Variants in KHDRBS2 observed in about 807,000 individuals in gnomAD.
KHDRBS2 encodes KH domain-containing, RNA-binding, signal transduction-associated protein 2.
A neutral mutation model predicts 44.3 loss-of-function variants in KHDRBS2; 26 were observed. The ratio of observed to expected loss-of-function variants is 0.59; its 90% CI spans 0.43 to 0.81. KHDRBS2 has a LOEUF of 0.81. KHDRBS2 is among the 40% of genes least tolerant of loss of function. The pLI, the probability that KHDRBS2 is intolerant of heterozygous loss-of-function variation, is 0.00. For synonymous variants in KHDRBS2, 194 were observed against 151.1 expected (o/e 1.28, Z -2.08); for missense variants, 476 against 433.1 (o/e 1.10, Z -0.88).
intron 4 of KHDRBS2, among the ~76,000 whole-genome samples, chr6:61,917,125 G>A (rs192270306): frequency 7.7e-4 from 117 of 151,560 alleles, no homozygotes; most frequent in African/African-American, 2.5e-3. Flanking sequence ...ACTTACATGC[G>A]CACAGTAACC....
chr6:61,806,160 T>C (rs1241579818), intron 6 of KHDRBS2, among the ~76,000 whole-genome samples: 1 of 152,194 alleles, frequency 6.6e-6, no homozygotes, highest in African/African-American at 2.4e-5. Context: ...TTCTCCTTTT[T>C]CTTAAATATG....
intron 3 of KHDRBS2, among the ~76,000 whole-genome samples, chr6:61,997,130 T>G (rs572931457): frequency 3.9e-5 from 6 of 152,310 alleles, no homozygotes; most frequent in African/African-American, 1.4e-4. Flanking sequence ...TTGTTTTCTG[T>G]GTTAAAGCAT....
At chr6:62,135,073 G>A (rs1811210371) in intron 2 of KHDRBS2, among the ~76,000 whole-genome samples, 1 of 152,130 alleles carries the variant, frequency 6.6e-6, no homozygotes, top group South Asian at 2.1e-4. Flanking sequence ...GGAGGGACCA[G>A]GTGCAGAATG....
At chr6:61,921,114 T>C (rs1807989091) in intron 4 of KHDRBS2, among the ~76,000 whole-genome samples, 1 of 152,022 alleles carries the variant, frequency 6.6e-6, no homozygotes, top group Non-Finnish European at 1.5e-5. Context: ...TAAACAAAGA[T>C]AATGTAAATT....
intron 2 of KHDRBS2, among the ~76,000 whole-genome samples, chr6:62,124,074 G>A (rs1808368191): frequency 6.6e-6 from 1 of 152,082 alleles, no homozygotes; most frequent in Non-Finnish European, 1.5e-5. Flanking sequence ...TAAATTTGAT[G>A]GACCCTTTTC....
chr6:62,079,803 T>A (rs1797052338), intron 2 of KHDRBS2, among the ~76,000 whole-genome samples: 1 of 152,022 alleles, frequency 6.6e-6, no homozygotes, highest in South Asian at 2.1e-4. Flanking sequence ...CATAATTAAA[T>A]CCAAGTCTCA....
intron 4 of KHDRBS2, among the ~76,000 whole-genome samples, chr6:61,960,129 C>T (rs1055986161): frequency 6.6e-6 from 1 of 152,022 alleles, no homozygotes; most frequent in African/African-American, 2.4e-5. Context: ...GTGATGATCC[C>T]CAGGGCTCAG....
chr6:62,212,908 C>A (rs1305712293), intron 1 of KHDRBS2, among the ~76,000 whole-genome samples: 1 of 151,968 alleles, frequency 6.6e-6, no homozygotes, highest in Non-Finnish European at 1.5e-5. Context: ...GAAGGGGGTG[C>A]ATAACATGTA....
intron 6 of KHDRBS2, among the ~76,000 whole-genome samples, chr6:61,801,101 A>G (rs796136199): frequency 5.3e-5 from 8 of 152,332 alleles, no homozygotes; most frequent in African/African-American, 1.9e-4. Flanking sequence ...ATTCATCAAC[A>G]TATTTTGTAC....
At chr6:61,720,272 G>T (rs1041223560) in intron 7 of KHDRBS2, among the ~76,000 whole-genome samples, 2 of 152,084 alleles carry the variant, frequency 1.3e-5, no homozygotes, top group Non-Finnish European at 2.9e-5. Context: ...GCATGATTTA[G>T]AGTCCTTTGG....
chr6:61,759,407 T>A (rs2127571944), intron 6 of KHDRBS2, among the ~76,000 whole-genome samples: 1 of 152,316 alleles, frequency 6.6e-6, no homozygotes, highest in Non-Finnish European at 1.5e-5. Context: ...AATACATTTC[T>A]AAATGTATTT....
At chr6:61,685,098 T>C (rs1766682639) in intron 8 of KHDRBS2, among the ~76,000 whole-genome samples, 1 of 151,662 alleles carries the variant, frequency 6.6e-6, no homozygotes, top group Non-Finnish European at 1.5e-5. Flanking sequence ...TTTAAGAAAA[T>C]GCTGGGGAAA....
At chr6:61,701,013 A>G (rs1322916645) in intron 7 of KHDRBS2, among the ~76,000 whole-genome samples, 1 of 151,948 alleles carries the variant, frequency 6.6e-6, no homozygotes, top group African/African-American at 2.4e-5. Context: ...ATTACCATTT[A>G]TATCCCAAAC....
intron 6 of KHDRBS2, among the ~76,000 whole-genome samples, chr6:61,738,515 C>A (rs2059655753): frequency 6.6e-6 from 1 of 151,928 alleles, no homozygotes. Flanking sequence ...AAGTCCTCTA[C>A]AATATACTTA....
Position 62,041,091 on chromosome 6 carries a change from G to A in KHDRBS2, c.336+6787C>T, listed in dbSNP as rs555799937. Among the ~76,000 whole-genome samples the A allele has an allele frequency of 1.6e-4, 24 of 152,148 alleles. 1 individual carries two copies. In the South Asian group the frequency reaches 3.9e-3, roughly 25 times the overall value. On this transcript the variant is annotated intron_variant, in intron 3 of 8. Coordinates refer to ENST00000281156, the MANE Select transcript of KHDRBS2 (RefSeq NM_152688.4). ...CACACTTGTAATCCCAGCACTTTCC[G>A]AGGCTGAGGCGGGCAGATCACCTGA...
intron 1 of KHDRBS2, among the ~76,000 whole-genome samples, chr6:62,245,094 G>C (rs1835324607): frequency 6.6e-6 from 1 of 152,076 alleles, no homozygotes; most frequent in South Asian, 2.1e-4. Flanking sequence ...GCGACTAGAA[G>C]GGTTTTTGGA....
intron 6 of KHDRBS2, among the ~76,000 whole-genome samples, chr6:61,779,262 A>C (rs1782573411): frequency 6.6e-6 from 1 of 152,296 alleles, no homozygotes; most frequent in South Asian, 2.1e-4. Flanking sequence ...TAACATCTGA[A>C]GTCCCTTAAC....
Position 61,993,608 on chromosome 6 carries a change from G to C in KHDRBS2, c.337-15396C>G, listed in dbSNP as rs547114273. On this transcript the variant is annotated intron_variant, in intron 3 of 8. Transcript: ENST00000281156. ...ATCTGGAGAAATAAGATCATGGACA[G>C]GAGGGCTACAACTGCCCTCTACTCC... Among the ~76,000 whole-genome samples, 3 of 139,330 alleles carry C rather than the reference G, an allele frequency of 2.2e-5. No homozygotes were observed. In the Admixed American group the frequency reaches 2.3e-4, roughly 11 times the overall value. The allele number at this position is 139,330 out of a possible 152,430, so 91.4% of individuals were successfully genotyped here.
At chr6:61,779,724 T>C (rs1458836470) in intron 6 of KHDRBS2, among the ~76,000 whole-genome samples, 2 of 152,172 alleles carry the variant, frequency 1.3e-5, no homozygotes, top group African/African-American at 4.8e-5. Flanking sequence ...TCAATGAGTG[T>C]GACGTTTCAG....
Sources: gnomAD v4.1 joint callset for allele counts (sites outside exome capture counted in the v4.1 genomes callset) on GRCh38, gnomAD v4.1.1 for gene constraint, MANE v1.5 for transcripts, NCBI Gene and HGNC (gene_info 2026-07-23, HGNC 2026-07-21) for gene names.